The following EVI5 variants were observed in gnomAD, a reference collection of about 807,000 sequenced individuals.
EVI5 encodes the protein ecotropic viral integration site 5, also known as ecotropic viral integration site 5 protein homolog.
A neutral mutation model predicts 112.0 loss-of-function variants in EVI5; 73 were observed. The observed-to-expected ratio is 0.65, with a 90% confidence interval of 0.54 to 0.79. The LOEUF (loss-of-function observed/expected upper bound fraction) is 0.79, where lower values mean the gene tolerates loss of function less well. EVI5 is among the 30% of genes least tolerant of loss of function. The pLI, the probability that EVI5 is intolerant of heterozygous loss-of-function variation, is 0.00. For synonymous variants in EVI5, 305 were observed against 319.9 expected, an observed-to-expected ratio of 0.95 and a Z score of 0.50; for missense variants, 900 against 968.8, an observed-to-expected ratio of 0.93 and a Z score of 0.94.
intron 19 of EVI5, among the ~76,000 whole-genome samples, chr1:92,523,791 T>C (rs568987509): frequency 9.9e-5 from 15 of 152,092 alleles, no homozygotes; most frequent in Non-Finnish European, 1.5e-4. Flanking sequence ...GTATGTATAA[T>C]TACTGCTTGG....
At chr1:92,711,101 C>G (rs1672783543) in intron 2 of EVI5, among the ~76,000 whole-genome samples, 1 of 151,870 alleles carries the variant, frequency 6.6e-6, no homozygotes, top group African/African-American at 2.4e-5. Flanking sequence ...GATAAACAGC[C>G]CCCCAAAAAG....
At chr1:92,525,565 G>A (rs1025441368) in intron 19 of EVI5, among the ~76,000 whole-genome samples, 1 of 152,010 alleles carries the variant, frequency 6.6e-6, no homozygotes, top group East Asian at 1.9e-4. Context: ...CACTGCACCC[G>A]GCCAACAATG....
chr1:92,636,305 A>C lies in EVI5; in HGVS notation c.1424T>G (p.Phe475Cys). 2 of 1,613,876 alleles carry C rather than the reference A, an allele frequency of 1.2e-6. No individual in the cohort carries two copies. The highest frequency in any genetic ancestry group is 1.7e-6 in the Non-Finnish European group (2 of 1,179,786). Residue 475 changes from phenylalanine to cysteine, a missense_variant, in exon 14 of 20, where the codon TTT becomes TGT. Phe to Cys is a radical substitution (Grantham distance 205). Coordinates refer to ENST00000684568, the MANE Select transcript of EVI5 (RefSeq NM_001350197.2). ...HKCSSNYNED[F>C]VLQLEKELVQ... The stretch of plus-strand genomic sequence containing the variant: ...CAATTCCTTCTCTAGCTGTAGCACA[A>C]AATCTTCGTTGTAGTTGGAACTGCA...
At position 92,583,618 on chromosome 1, in the gene EVI5, T is replaced by G. The variant is rs556914128; in HGVS notation, c.2071-19881A>C. On this transcript the variant is annotated intron_variant, in intron 18 of 19. Transcript: ENST00000684568. The stretch of plus-strand genomic sequence containing the variant: ...TAGAAGGAAAAAATCAGAATAGGAA[T>G]AAAATTTTTAAAAAGATGGCTTATT... Among the ~76,000 whole-genome samples, 7 of 149,226 alleles carry G rather than the reference T, an allele frequency of 4.7e-5. No individual in the cohort carries two copies. In the South Asian group the frequency reaches 1.5e-3, roughly 32 times the overall value.
intron 5 of EVI5, among the ~76,000 whole-genome samples, chr1:92,700,529 T>C (rs1043198181): frequency 2.6e-5 from 4 of 152,202 alleles, no homozygotes; most frequent in Non-Finnish European, 5.9e-5. Context: ...ATCACCAAAA[T>C]ATTATTTATT....
intron 13 of EVI5, among the ~76,000 whole-genome samples, chr1:92,650,219 TG>T (rs1661845706): frequency 6.6e-6 from 1 of 152,222 alleles, no homozygotes. Flanking sequence ...CAAAAGTCCA[TG>T]GGAATTTTGA....
At position 92,542,285 on chromosome 1, in the gene EVI5, T is replaced by A. The variant is rs1215152952; in HGVS notation, c.2166+21357A>T. The stretch of plus-strand genomic sequence containing the variant: ...AGAAACCACTTTTTTTTTTTGCTCA[T>A]CCCTAAGAAGCAACTCCTCGTCCAT... On this transcript the variant is annotated intron_variant, in intron 19 of 19. Transcript: ENST00000684568. Among the ~76,000 whole-genome samples the A allele has an allele frequency of 4.6e-5, 7 of 152,170 alleles. No individual in the cohort carries two copies. In the South Asian group the frequency reaches 1.0e-3, roughly 23 times the overall value.
intron 14 of EVI5, among the ~76,000 whole-genome samples, chr1:92,631,415 C>A (rs1053575332): frequency 1.3e-5 from 2 of 152,070 alleles, no homozygotes. Flanking sequence ...AAGTTGGATT[C>A]CCAGGTATTT....
intron 10 of EVI5, 42 bp from the exon 11 acceptor site, chr1:92,666,034 AG>A (rs776893670): frequency 4.6e-6 from 6 of 1,293,768 alleles, no homozygotes; most frequent in Non-Finnish European, 6.6e-6. Flanking sequence ...CATTTTTGAG[AG>A]GAAAAAAAAG....
chr1:92,689,056 G>C (rs1669045759), intron 9 of EVI5, among the ~76,000 whole-genome samples: 1 of 152,056 alleles, frequency 6.6e-6, no homozygotes, highest in Non-Finnish European at 1.5e-5. Context: ...GAAAAAAATA[G>C]AAGAAAAACA....
chr1:92,667,314 A>C (rs1430708917), intron 10 of EVI5, among the ~76,000 whole-genome samples: 1 of 152,130 alleles, frequency 6.6e-6, no homozygotes, highest in African/African-American at 2.4e-5. Context: ...GCCCATTTAG[A>C]CTTCAATAGT....
At chr1:92,759,598 C>T (rs1056345223) in intron 1 of EVI5, among the ~76,000 whole-genome samples, 1 of 152,190 alleles carries the variant, frequency 6.6e-6, no homozygotes, top group African/African-American at 2.4e-5. Context: ...TCATCCCCAA[C>T]AGAAATACTA....
intron 16 of EVI5, among the ~76,000 whole-genome samples, chr1:92,614,774 A>G (rs1395997934): frequency 1.3e-5 from 2 of 148,924 alleles, no homozygotes; most frequent in African/African-American, 4.9e-5. Flanking sequence ...AAACTCATAT[A>G]TATATATATG....
chr1:92,571,200 C>T (rs1474376816), intron 18 of EVI5, among the ~76,000 whole-genome samples: 1 of 147,684 alleles, frequency 6.8e-6, no homozygotes, highest in East Asian at 2.0e-4. Flanking sequence ...CATGCACACA[C>T]ACTCAGAAAA....
chr1:92,558,012 A>G (rs574809774), intron 19 of EVI5, among the ~76,000 whole-genome samples: 1 of 152,330 alleles, frequency 6.6e-6, no homozygotes, highest in Admixed American at 6.5e-5. Context: ...TGCTGGGATT[A>G]TAGGCATGGG....
chr1:92,541,066 T>C (rs1664725087), intron 19 of EVI5, among the ~76,000 whole-genome samples: 1 of 152,052 alleles, frequency 6.6e-6, no homozygotes, highest in South Asian at 2.1e-4. Flanking sequence ...AGAGAAAGAC[T>C]CTGTCTCAAA....
chr1:92,588,540 T>C (rs781579853), intron 18 of EVI5, among the ~76,000 whole-genome samples: 6 of 152,346 alleles, frequency 3.9e-5, no homozygotes, highest in East Asian at 3.8e-4. Flanking sequence ...CCTCCATCCC[T>C]AATACCAATA....
chr1:92,751,104 C>T (rs1036309602), intron 1 of EVI5, among the ~76,000 whole-genome samples: 2 of 152,048 alleles, frequency 1.3e-5, no homozygotes, highest in African/African-American at 4.8e-5. Context: ...GAGCCAAGAT[C>T]GCACCACTGC....
At chr1:92,568,448 C>A (rs1669828844) in intron 18 of EVI5, among the ~76,000 whole-genome samples, 1 of 151,164 alleles carries the variant, frequency 6.6e-6, no homozygotes, top group Non-Finnish European at 1.5e-5. Flanking sequence ...ATAATAATAG[C>A]TATTATATAT....
Sources: allele counts gnomAD v4.1 joint callset (sites outside exome capture counted in the v4.1 genomes callset), GRCh38; gene constraint gnomAD v4.1.1; transcripts MANE v1.5; gene names NCBI Gene and HGNC (gene_info 2026-07-23, HGNC 2026-07-21).